The following DNAAF10 variants were observed in gnomAD, a reference collection of about 807,000 sequenced individuals.
DNAAF10 encodes WD repeat domain 92.
Under a neutral mutation model 43.7 loss-of-function variants are expected in DNAAF10, and 28 were observed. The observed-to-expected ratio is 0.64, with a 90% CI of 0.48 to 0.88. DNAAF10 has a LOEUF of 0.88. Among genes scored for constraint, DNAAF10 ranks in the 40% least tolerant of loss-of-function variants. DNAAF10 has a pLI of 0.00. For missense variants in DNAAF10, 403 were observed against 439.1 expected (o/e 0.92, Z 0.73); for synonymous variants, 156 against 157.3 (o/e 0.99, Z 0.06).
At chr2:68,144,385 A>G (rs1410063310) in intron 3 of DNAAF10, among the ~76,000 whole-genome samples, 200 bp downstream of exon 3, 1 of 152,222 alleles carries the variant, frequency 6.6e-6, no homozygotes, top group East Asian at 1.9e-4. Context: ...AGTGCTATGA[A>G]TCTATCTCAA....
chr2:68,150,824 C>A (rs1221838772), intron 1 of DNAAF10, among the ~76,000 whole-genome samples: 1 of 152,176 alleles, frequency 6.6e-6, no homozygotes, highest in Admixed American at 6.5e-5. Flanking sequence ...ATGTAAAAAT[C>A]GGAATCTCTA....
chr2:68,145,337 T>C (rs952348300), intron 2 of DNAAF10, among the ~76,000 whole-genome samples: 6 of 151,908 alleles, frequency 3.9e-5, no homozygotes, highest in Admixed American at 6.6e-5. Flanking sequence ...GGGAGGTGAA[T>C]AGAAGATGGA....
chr2:68,150,139 A>T (rs1673417704), intron 1 of DNAAF10, among the ~76,000 whole-genome samples: 2 of 151,754 alleles, frequency 1.3e-5, no homozygotes, highest in Admixed American at 6.6e-5. Flanking sequence ...ACTAACCTAC[A>T]CTCTTTGGTT....
chr2:68,155,707 A>C (rs891638424), intron 1 of DNAAF10, among the ~76,000 whole-genome samples: 3 of 152,008 alleles, frequency 2.0e-5, no homozygotes, highest in Admixed American at 6.6e-5. Context: ...AACAACAAAA[A>C]ACAAAAACAA....
At chr2:68,151,203 TTG>T (rs1242984648) in intron 1 of DNAAF10, among the ~76,000 whole-genome samples, 2 of 152,232 alleles carry the variant, frequency 1.3e-5, no homozygotes, top group African/African-American at 2.4e-5. Flanking sequence ...GGATCTGGTC[TTG>T]TGTGTGTGAC....
intron 6 of DNAAF10, among the ~76,000 whole-genome samples, chr2:68,136,937 T>C (rs977716162): frequency 2.0e-5 from 3 of 152,050 alleles, no homozygotes; most frequent in African/African-American, 7.3e-5. Context: ...ATCATGTACA[T>C]ATAGTTTATT....
In DNAAF10 at chr2:68,134,701, C is replaced by T; in HGVS notation, c.866+1G>A. 5 of 1,609,968 alleles carry T rather than the reference C, an allele frequency of 3.1e-6. No homozygotes were observed. The highest frequency in any genetic ancestry group is 4.2e-6 in the Non-Finnish European group (5 of 1,178,980). ...GGAGCAGTGTGCACTGGCAGACTTA[C>T]TACTTCCAGAGGTGAAGGCCGCCGG... is the stretch of plus-strand genomic sequence containing the variant. On this transcript the variant is annotated splice_donor_variant, in intron 7 of 7. Coordinates refer to ENST00000295121, the MANE Select transcript of DNAAF10 (RefSeq NM_138458.4). LOFTEE classifies it high-confidence loss of function.
intron 2 of DNAAF10, among the ~76,000 whole-genome samples, chr2:68,147,223 T>G (rs1278997077): frequency 6.6e-6 from 1 of 152,148 alleles, no homozygotes; most frequent in Non-Finnish European, 1.5e-5. Context: ...CCAAACTGCG[T>G]GTGTGAAAAT....
At chr2:68,154,986 CT>C (rs1673557222) in intron 1 of DNAAF10, among the ~76,000 whole-genome samples, 1 of 151,754 alleles carries the variant, frequency 6.6e-6, no homozygotes, top group South Asian at 2.1e-4. Context: ...GTTGCCTAGG[CT>C]GGTCTTGAAC....
intron 1 of DNAAF10, among the ~76,000 whole-genome samples, chr2:68,151,126 T>C (rs927048555): frequency 6.6e-6 from 1 of 152,352 alleles, no homozygotes; most frequent in Middle Eastern, 3.4e-3. Context: ...TGTATCTACA[T>C]TGAGAAGCAC....
chr2:68,155,021 C>G lies in DNAAF10; in HGVS notation c.183+2240G>C, dbSNP rs528399881. On this transcript the variant is annotated intron_variant, in intron 1 of 7. Coordinates refer to ENST00000295121, the MANE Select transcript of DNAAF10 (RefSeq NM_138458.4). Reference sequence around the variant, plus strand: ...ACTCCTGGGCTCAAGCAATCCACCCCACTGCCTCCCAAAGTGTTGGAATTG... The same window carrying G: ...ACTCCTGGGCTCAAGCAATCCACCCGACTGCCTCCCAAAGTGTTGGAATTG... Among the ~76,000 whole-genome samples, 4 of 152,254 alleles carry G rather than the reference C, an allele frequency of 2.6e-5. No individual in the cohort carries two copies. The East Asian group carries it at 7.7e-4, about 29-fold the overall frequency.
rs369810897 is a variant in DNAAF10, at chr2:68,156,862, C to T, written c.183+399G>A. On this transcript the variant is annotated intron_variant, in intron 1 of 7. Coordinates refer to ENST00000295121, the MANE Select transcript of DNAAF10 (RefSeq NM_138458.4). ...CTCGGTTTGTATTTATGTATCGTTG[C>T]TTTGATTATTGAACTGAGTATCTCT... is the stretch of plus-strand genomic sequence containing the variant. 2.7e-5 allele frequency: 6 copies of T among 218,884 alleles called. No homozygotes were observed. In the South Asian group the frequency reaches 4.8e-4, roughly 17 times the overall value. 13.6% of individuals were successfully genotyped at this position (218,884 alleles called of 1,614,324 possible).
Position 68,138,749 on chromosome 2 carries a change from T to C in DNAAF10, c.626A>G (p.Lys209Arg). 1.9e-6 allele frequency: 3 copies of C among 1,612,064 alleles called. No individual in the cohort carries two copies. Among genetic ancestry groups the C allele is most frequent in the South Asian group, 2.2e-5 (2 of 91,026 alleles). The part of the protein sequence containing the change: ...NMALRWETNI[K>R]NGVCSLEFDR... ...CCTCAGAATGTACTTTACCCCATTT[T>C]TGATGTTTGTCTCCCACCGTAATGC... is the stretch of plus-strand genomic sequence containing the variant. Residue 209 changes from lysine (K) to arginine (R), a missense_variant, in exon 5 of 8, where the codon AAA (lysine) becomes AGA (arginine). Physicochemically the swap from Lys to Arg is conservative, Grantham distance 26 (BLOSUM62 2). Coordinates refer to ENST00000295121, the MANE Select transcript of DNAAF10 (RefSeq NM_138458.4).
Position 68,137,625 on chromosome 2 carries a change from T to C in DNAAF10, c.634-192A>G, listed in dbSNP as rs560384937. On this transcript the variant is annotated intron_variant, in intron 5 of 7. Transcript: ENST00000295121. ...GGCTTATGCCTGTAATCCCAGCACT[T>C]TGGGAGGCCAAGGCAGGTGGATCAC... Among the ~76,000 whole-genome samples the C allele has an allele frequency of 5.9e-5, 9 of 152,294 alleles. 1 individual carries two copies. The highest frequency in any genetic ancestry group is 2.2e-4 in the African/African-American group (9 of 41,556).
chr2:68,133,526 G>C (rs1441289101), intron 7 of DNAAF10, among the ~76,000 whole-genome samples: 1 of 152,182 alleles, frequency 6.6e-6, no homozygotes, highest in Non-Finnish European at 1.5e-5. Context: ...GCCGAGGCAG[G>C]TGAATCACCT....
rs2103885964 is a variant in DNAAF10, at chr2:68,137,299, C to G, written c.768G>C (p.Lys256Asn). 1 of 1,607,950 alleles carries G rather than the reference C, an allele frequency of 6.2e-7. No individual in the cohort carries two copies. Among genetic ancestry groups the G allele is most frequent in the Non-Finnish European group, 8.5e-7 (1 of 1,177,382 alleles). The change falls in exon 6 of 8, where the codon AAG (lysine) becomes AAC (asparagine). Residue 256 changes from lysine (K) to asparagine (N), a missense_variant and splice_region_variant. Transcript: ENST00000295121. ...PTKGFASVSE[K>N]AHKSTVWQVR... Reference sequence around the variant, plus strand: ...AGAAAGACATTTCCCTCATATTTACCTTTTCTGAAACAGAGGCAAAACCTT... The same window carrying G: ...AGAAAGACATTTCCCTCATATTTACGTTTTCTGAAACAGAGGCAAAACCTT...
chr2:68,133,023 T>A (rs1022059918), intron 7 of DNAAF10, among the ~76,000 whole-genome samples: 1 of 152,140 alleles, frequency 6.6e-6, no homozygotes, highest in Non-Finnish European at 1.5e-5. Flanking sequence ...AGTAAAATAG[T>A]GATGTGCCAC....
At chr2:68,145,573 C>A (rs1015756885) in intron 2 of DNAAF10, among the ~76,000 whole-genome samples, 1 of 152,088 alleles carries the variant, frequency 6.6e-6, no homozygotes, top group Non-Finnish European at 1.5e-5. Context: ...ACATTTCTTC[C>A]TTTATAATGT....
At chr2:68,142,253 T>TTTTC (rs1345886797) in intron 3 of DNAAF10, among the ~76,000 whole-genome samples, 2 of 152,088 alleles carry the variant, frequency 1.3e-5, no homozygotes, top group Non-Finnish European at 1.5e-5. Context: ...TACTATTTCT[T>TTTTC]TTTCTTTCTT....
Sources: gnomAD v4.1 joint callset for allele counts (sites outside exome capture counted in the v4.1 genomes callset) on GRCh38, gnomAD v4.1.1 for gene constraint, MANE v1.5 for transcripts, NCBI Gene and HGNC (gene_info 2026-07-23, HGNC 2026-07-21) for gene names.